The following MYO10 variants were observed in gnomAD, a reference collection of about 807,000 sequenced individuals.
MYO10 encodes the protein myosin X.
In MYO10, 133 loss-of-function variants were observed where a neutral mutation model predicts 257.3. The observed-to-expected ratio is 0.52, with a 90% CI of 0.45 to 0.60. MYO10 has a LOEUF of 0.60. Among genes scored for constraint, MYO10 ranks in the 20% least tolerant of loss-of-function variants. MYO10 has a pLI of 0.00. For synonymous variants in MYO10, 1,104 were observed against 1,028.6 expected (o/e 1.07, Z -1.40); for missense variants, 2,399 against 2,635.7 (o/e 0.91, Z 1.97).
At chr5:16,689,166 T>C (rs1344017287) in intron 28 of MYO10, among the ~76,000 whole-genome samples, 1 of 152,254 alleles carries the variant, frequency 6.6e-6, no homozygotes, top group Non-Finnish European at 1.5e-5. Context: ...AAAGTATGGA[T>C]GATGGTAATA....
intron 1 of MYO10, among the ~76,000 whole-genome samples, chr5:16,914,744 C>T (rs559495911): frequency 6.6e-6 from 1 of 152,234 alleles, no homozygotes; most frequent in East Asian, 1.9e-4. Flanking sequence ...AGGTCACTGC[C>T]AGTCCTTGGA....
At position 16,884,206 on chromosome 5, in the gene MYO10, C is replaced by G. The variant is rs189056581; in HGVS notation, c.22-6499G>C. On this transcript the variant is annotated intron_variant, in intron 1 of 40. Transcript: ENST00000513610. ...AAAAGTTTGAGACCAGCCTGGGCATCCTGGAGAGACCCTGTCTCTTATTTT... is the reference window on the plus strand; with the variant it reads ...AAAAGTTTGAGACCAGCCTGGGCATGCTGGAGAGACCCTGTCTCTTATTTT... Among the ~76,000 whole-genome samples the G allele has an allele frequency of 4.8e-4, 73 of 152,220 alleles. 1 individual carries two copies. The highest frequency in any genetic ancestry group is 1.8e-3 in the African/African-American group (73 of 41,538).
At chr5:16,752,177 C>T (rs1032621903) in intron 19 of MYO10, among the ~76,000 whole-genome samples, 21 of 152,148 alleles carry the variant, frequency 1.4e-4, no homozygotes, top group Admixed American at 9.2e-4. Flanking sequence ...AAGATGCCTA[C>T]GATTGTAAAA....
intron 9 of MYO10, among the ~76,000 whole-genome samples, chr5:16,772,323 G>A (rs1035540955): frequency 6.6e-6 from 1 of 152,014 alleles, no homozygotes; most frequent in East Asian, 1.9e-4. Context: ...GTAGAGACAG[G>A]GGGTTCTCCA....
chr5:16,810,097 G>C (rs1468733599), intron 3 of MYO10, among the ~76,000 whole-genome samples: 2 of 152,096 alleles, frequency 1.3e-5, no homozygotes, highest in African/African-American at 4.8e-5. Context: ...GCTTGCCTTC[G>C]GTGCAACAGA....
In MYO10 at chr5:16,671,549, A is replaced by G. The variant is rs755626103; in HGVS notation, c.5310-7T>C. 1.2e-6 allele frequency: 2 copies of G among 1,613,950 alleles called. No individual in the cohort carries two copies. Among genetic ancestry groups the G allele is most frequent in the Non-Finnish European group, 1.7e-6 (2 of 1,179,850 alleles). ...CTCGGATGTGGCAGCCAGCCTACAG[A>G]GAGGAGTCAAGAGAGGCTCAGAATA... On this transcript the variant is annotated splice_region_variant and splice_polypyrimidine_tract_variant and intron_variant, in intron 37 of 40. Coordinates refer to ENST00000513610, the MANE Select transcript of MYO10 (RefSeq NM_012334.3).
At chr5:16,850,031 G>A (rs1021417807) in intron 2 of MYO10, among the ~76,000 whole-genome samples, 3 of 152,162 alleles carry the variant, frequency 2.0e-5, no homozygotes, top group African/African-American at 7.2e-5. Context: ...CAGCAAGTCT[G>A]ATCCTAATGG....
chr5:16,907,435 G>C (rs1166522750), intron 1 of MYO10, among the ~76,000 whole-genome samples: 1 of 151,996 alleles, frequency 6.6e-6, no homozygotes, highest in Non-Finnish European at 1.5e-5. Context: ...AAGAATAAAA[G>C]TCCCCACTGA....
rs181357498 is a variant in MYO10, at chr5:16,825,739, T to C, written c.121-7572A>G. Reference sequence around the variant, plus strand: ...TGGCATATGCCGGTAATCCCAGCTATTCAGGAGGCTGAGGCATGAGAATTA... The same window carrying C: ...TGGCATATGCCGGTAATCCCAGCTACTCAGGAGGCTGAGGCATGAGAATTA... On this transcript the variant is annotated intron_variant, in intron 2 of 40. Transcript: ENST00000513610. 5.9e-5 allele frequency among the ~76,000 whole-genome samples: 9 copies of C among 152,302 alleles called. No individual in the cohort carries two copies. In the East Asian group the frequency reaches 1.5e-3, roughly 26 times the overall value.
chr5:16,809,705 G>A (rs900666353), intron 3 of MYO10, among the ~76,000 whole-genome samples: 1 of 152,220 alleles, frequency 6.6e-6, no homozygotes, highest in South Asian at 2.1e-4. Context: ...TACATTAGCT[G>A]TGAAGCATAG....
In MYO10 at chr5:16,926,917, A is replaced by T. The variant is rs1027623261; in HGVS notation, c.21+8871T>A. Among the ~76,000 whole-genome samples the T allele has an allele frequency of 3.9e-5, 6 of 152,228 alleles. No individual in the cohort carries two copies. The East Asian group carries it at 9.6e-4, about 24-fold the overall frequency. ...AAACATCAACAGAACACCCAGACAT[A>T]GGCAACTGTAATTAAATTCACTCAT... On this transcript the variant is annotated intron_variant, in intron 1 of 40. Coordinates refer to ENST00000513610, the MANE Select transcript of MYO10 (RefSeq NM_012334.3).
chr5:16,761,307 T>C (rs986643919), intron 17 of MYO10, among the ~76,000 whole-genome samples, 157 bp downstream of exon 17: 1 of 152,148 alleles, frequency 6.6e-6, no homozygotes, highest in African/African-American at 2.4e-5. Context: ...GTATTATTGT[T>C]ATACTTTTGA....
chr5:16,679,857 C>A (rs35580), intron 33 of MYO10, 90 bp downstream of exon 33: 2 of 1,469,112 alleles, frequency 1.4e-6, no homozygotes, highest in Non-Finnish European at 9.1e-7. Context: ...AGAAAAAAAA[C>A]TGAGCTTCAC....
chr5:16,740,195 T>C (rs1739966708), intron 19 of MYO10, among the ~76,000 whole-genome samples: 1 of 151,652 alleles, frequency 6.6e-6, no homozygotes, highest in South Asian at 2.1e-4. Context: ...TCTGAGGGAG[T>C]GACAGCTGGG....
chr5:16,877,816 G>A (rs1744650179), intron 1 of MYO10, 109 bp from the exon 2 acceptor site: 1 of 802,248 alleles, frequency 1.2e-6, no homozygotes, highest in South Asian at 1.6e-5. Flanking sequence ...AAATCTTCTT[G>A]AAAAGTAAAT....
intron 29 of MYO10, 89 bp downstream of exon 29, chr5:16,685,649 T>C: frequency 1.0e-6 from 1 of 988,610 alleles, no homozygotes; most frequent in East Asian, 2.6e-5. Flanking sequence ...GTCTGGAAAT[T>C]CCCAATCTTT....
chr5:16,671,444 T>G lies in MYO10; in HGVS notation c.5408A>C (p.Glu1803Ala), dbSNP rs779048442. ...DTDNVPKDSVEFAFMFEQAHE... is the reference protein window; with the variant it reads ...DTDNVPKDSVAFAFMFEQAHE... ...TACCTGTTCAAACATAAATGCAAACTCCACACTGTCTTTTGGCACGTTGTC... is the reference window on the plus strand; with the variant it reads ...TACCTGTTCAAACATAAATGCAAACGCCACACTGTCTTTTGGCACGTTGTC... Residue 1803 changes from glutamate to alanine, a missense_variant, in exon 38 of 41, where the codon GAG becomes GCG. Coordinates refer to ENST00000513610, the MANE Select transcript of MYO10 (RefSeq NM_012334.3). 1.9e-6 allele frequency: 3 copies of G among 1,613,884 alleles called. No homozygotes were observed. Among genetic ancestry groups the G allele is most frequent in the African/African-American group, 2.7e-5 (2 of 74,938 alleles).
At position 16,883,056 on chromosome 5, in the gene MYO10, C is replaced by T. The variant is rs1338547798; in HGVS notation, c.22-5349G>A. On this transcript the variant is annotated intron_variant, in intron 1 of 40. Transcript: ENST00000513610. Reference sequence around the variant, plus strand: ...TCAGCCTCCTGAGTAGCTGGGACTACAGGTGCCCACCACCACGCCTGGCTA... The same window carrying T: ...TCAGCCTCCTGAGTAGCTGGGACTATAGGTGCCCACCACCACGCCTGGCTA... Among the ~76,000 whole-genome samples, 5 of 151,902 alleles carry T rather than the reference C, an allele frequency of 3.3e-5. No homozygotes were observed. In the East Asian group the frequency reaches 9.7e-4, roughly 30 times the overall value.
intron 19 of MYO10, among the ~76,000 whole-genome samples, chr5:16,717,444 G>A (rs773548387): frequency 1.3e-5 from 2 of 152,196 alleles, no homozygotes; most frequent in Non-Finnish European, 2.9e-5. Flanking sequence ...AACATTCCTA[G>A]AGATCAACTT....
Sources: gnomAD v4.1 joint callset for allele counts (sites outside exome capture counted in the v4.1 genomes callset) on GRCh38, gnomAD v4.1.1 for gene constraint, MANE v1.5 for transcripts, NCBI Gene and HGNC (gene_info 2026-07-23, HGNC 2026-07-21) for gene names.